Variants in MACROD2 observed in about 807,000 individuals in gnomAD.
The protein encoded by MACROD2 is ADP-ribose glycohydrolase MACROD2.
Under a neutral mutation model 70.4 loss-of-function variants are expected in MACROD2, and 36 were observed. The ratio of observed to expected loss-of-function variants is 0.51; its 90% CI spans 0.39 to 0.68. The LOEUF (loss-of-function observed/expected upper bound fraction) is 0.68. MACROD2 is among the 30% of genes least tolerant of loss of function. MACROD2 has a pLI of 0.00. For missense variants in MACROD2, 496 were observed against 538.4 expected (o/e 0.92, Z 0.78); for synonymous variants, 172 against 178.8 (o/e 0.96, Z 0.30).
At chr20:14,035,754 T>C (rs2053299126) in intron 2 of MACROD2, among the ~76,000 whole-genome samples, 1 of 152,224 alleles carries the variant, frequency 6.6e-6, no homozygotes, top group Admixed American at 6.5e-5. Context: ...ATTTCTTTCC[T>C]GTCGGTTCCC....
chr20:15,194,492 A>G (rs1469247863), intron 5 of MACROD2, among the ~76,000 whole-genome samples: 5 of 152,090 alleles, frequency 3.3e-5, no homozygotes, highest in Non-Finnish European at 7.4e-5. Context: ...AAATAACGCA[A>G]ACAATTCTAG....
At chr20:15,249,512 T>G (rs558217167) in intron 6 of MACROD2, among the ~76,000 whole-genome samples, 1 of 152,336 alleles carries the variant, frequency 6.6e-6, no homozygotes, top group South Asian at 2.1e-4. Flanking sequence ...GTTTTCAGGA[T>G]GAAGCCTGAT....
chr20:15,299,218 CTT>C, intron 6 of MACROD2, among the ~76,000 whole-genome samples: 1 of 152,086 alleles, frequency 6.6e-6, no homozygotes, highest in Non-Finnish European at 1.5e-5. Context: ...TATTTGCATC[CTT>C]TCTACTGCTA....
At chr20:15,440,261 G>A (rs973952120) in intron 7 of MACROD2, among the ~76,000 whole-genome samples, 8 of 152,194 alleles carry the variant, frequency 5.3e-5, no homozygotes, top group Non-Finnish European at 1.2e-4. Flanking sequence ...CATATGTAGA[G>A]AGGAAGGAAT....
At chr20:14,076,704 A>G (rs1267096589) in intron 2 of MACROD2, among the ~76,000 whole-genome samples, 1 of 151,982 alleles carries the variant, frequency 6.6e-6, no homozygotes, top group African/African-American at 2.4e-5. Context: ...CCAAAGAAGT[A>G]CATATAACTT....
intron 10 of MACROD2, among the ~76,000 whole-genome samples, chr20:15,903,239 G>A (rs1392273243): frequency 6.6e-6 from 1 of 152,194 alleles, no homozygotes; most frequent in South Asian, 2.1e-4. Context: ...CTACTTCAGA[G>A]GCTGAGGCAG....
intron 2 of MACROD2, among the ~76,000 whole-genome samples, chr20:14,029,181 C>T (rs2053217764): frequency 6.6e-6 from 1 of 152,176 alleles, no homozygotes; most frequent in African/African-American, 2.4e-5. Context: ...CTGGAAAAAA[C>T]AACTAAGTTC....
At chr20:14,058,447 A>C (rs1001226874) in intron 2 of MACROD2, among the ~76,000 whole-genome samples, 1 of 151,732 alleles carries the variant, frequency 6.6e-6, no homozygotes, top group Non-Finnish European at 1.5e-5. Flanking sequence ...AATACAAAAA[A>C]AAAAATGAAA....
At chr20:15,359,793 T>C (rs2078330892) in intron 6 of MACROD2, among the ~76,000 whole-genome samples, 1 of 152,198 alleles carries the variant, frequency 6.6e-6, no homozygotes, top group Non-Finnish European at 1.5e-5. Context: ...AGAGGTTCTA[T>C]GTATTCTTCA....
intron 5 of MACROD2, among the ~76,000 whole-genome samples, chr20:14,775,520 T>G (rs2072222783): frequency 6.6e-6 from 1 of 151,890 alleles, no homozygotes; most frequent in Non-Finnish European, 1.5e-5. Context: ...CCACGTGAAC[T>G]AGCACAGCAA....
chr20:14,100,828 CATAT>C (rs1307551038), intron 3 of MACROD2, among the ~76,000 whole-genome samples: 2 of 128,062 alleles, frequency 1.6e-5, no homozygotes, highest in Non-Finnish European at 1.6e-5. Flanking sequence ...TCATATATAA[CATAT>C]ATAATATAAT....
intron 11 of MACROD2, among the ~76,000 whole-genome samples, chr20:15,935,511 C>A (rs1176216724): frequency 1.3e-5 from 2 of 152,164 alleles, no homozygotes; most frequent in Non-Finnish European, 2.9e-5. Flanking sequence ...ATAAAAGTAT[C>A]TTCTTTTCAT....
intron 5 of MACROD2, among the ~76,000 whole-genome samples, chr20:14,765,279 A>G (rs535837137): frequency 6.6e-6 from 1 of 151,988 alleles, no homozygotes; most frequent in Non-Finnish European, 1.5e-5. Flanking sequence ...CTCTCTGAGG[A>G]CACACAGGAG....
At chr20:15,500,279 G>T (rs541840911) in intron 8 of MACROD2, among the ~76,000 whole-genome samples, 103 of 152,270 alleles carry the variant, frequency 6.8e-4, no homozygotes, top group Non-Finnish European at 1.2e-3. Context: ...CTTCCCTAAA[G>T]TCACTTCTGA....
At chr20:14,819,282 A>T (rs1382735542) in intron 5 of MACROD2, among the ~76,000 whole-genome samples, 1 of 151,914 alleles carries the variant, frequency 6.6e-6, no homozygotes, top group East Asian at 1.9e-4. Context: ...AACAAAAAAC[A>T]AAAACAAACA....
At chr20:14,462,600 GT>G (rs1173583943) in intron 3 of MACROD2, among the ~76,000 whole-genome samples, 1 of 118,172 alleles carries the variant, frequency 8.5e-6, no homozygotes, top group East Asian at 6.2e-4. Flanking sequence ...TAGACATGAA[GT>G]CCTTGCCCAT....
At chr20:15,813,555 A>G (rs551634080) in intron 8 of MACROD2, among the ~76,000 whole-genome samples, 1 of 152,286 alleles carries the variant, frequency 6.6e-6, no homozygotes, top group South Asian at 2.1e-4. Flanking sequence ...AGGCAAGAGG[A>G]TCACTTGAGC....
chr20:14,505,484 G>T (rs2084958628), intron 4 of MACROD2, among the ~76,000 whole-genome samples: 1 of 152,114 alleles, frequency 6.6e-6, no homozygotes. Context: ...AGATAACTTT[G>T]ATAAAACACC....
At chr20:15,532,794 G>A (rs1485085847) in intron 8 of MACROD2, among the ~76,000 whole-genome samples, 2 of 151,892 alleles carry the variant, frequency 1.3e-5, no homozygotes, top group Non-Finnish European at 2.9e-5. Flanking sequence ...CCATCCTGGT[G>A]TTGTCCTTAT....
Sources: allele counts gnomAD v4.1 joint callset (sites outside exome capture counted in the v4.1 genomes callset), GRCh38; gene constraint gnomAD v4.1.1; transcripts MANE v1.5; gene names NCBI Gene and HGNC (gene_info 2026-07-23, HGNC 2026-07-21).